The following FER1L5 variants were observed in gnomAD, a reference collection of about 807,000 sequenced individuals.
The protein encoded by FER1L5 is fer-1 like family member 5.
In FER1L5, 187 loss-of-function variants were observed where a neutral mutation model predicts 279.9. The observed-to-expected ratio is 0.67, with a 90% CI of 0.59 to 0.75. FER1L5 has a LOEUF of 0.75. Among genes scored for constraint, FER1L5 ranks in the 30% least tolerant of loss-of-function variants. FER1L5 has a pLI of 0.00. For synonymous variants in FER1L5, 921 were observed against 989.7 expected, an observed-to-expected ratio of 0.93 and a Z score of 1.30; for missense variants, 2,091 against 2,594.4, an observed-to-expected ratio of 0.81 and a Z score of 4.21.
In FER1L5 at chr2:96,695,824, C is replaced by T. The variant is rs200034058; in HGVS notation, c.3977C>T (p.Thr1326Met). 1.2e-4 allele frequency: 197 copies of T among 1,612,970 alleles called. No homozygotes were observed. Among genetic ancestry groups the T allele is most frequent in the Non-Finnish European group, 1.5e-4 (174 of 1,179,542 alleles). The change falls in exon 36 of 53, where the codon ACG (threonine) becomes ATG (methionine). Residue 1326 changes from threonine (T) to methionine (M), a missense_variant. Physicochemically the swap from Thr to Met is moderately conservative, Grantham distance 81. Transcript: ENST00000624922. ...TGGGCCTTCGGCCAGCAGACCGTGA[C>T]GGGCCAGGCCAACATCGACTTCCTC... ...DNWAFGQQTV[T>M]GQANIDFLQP...
chr2:96,699,808 C>A, intron 43 of FER1L5, 88 bp downstream of exon 43: 3 of 1,579,394 alleles, frequency 1.9e-6, no homozygotes, highest in Non-Finnish European at 2.6e-6. Context: ...GCATCCTGGG[C>A]GGGAACCAGG....
intron 14 of FER1L5, among the ~76,000 whole-genome samples, chr2:96,665,509 A>G (rs986455335): frequency 7.2e-5 from 11 of 151,912 alleles, no homozygotes; most frequent in African/African-American, 2.4e-4. Context: ...CCGGCCTGTG[A>G]TGAGGGCACA....
At position 96,698,028 on chromosome 2, in the gene FER1L5, C is replaced by T. The variant is rs554858175; in HGVS notation, c.4237-9C>T. ...TCTCCACCAGCCAGGGTTCCACACACCTCTGCAGGTGTATGAGTGTGAGCT... is the reference window on the plus strand; with the variant it reads ...TCTCCACCAGCCAGGGTTCCACACATCTCTGCAGGTGTATGAGTGTGAGCT... On this transcript the variant is annotated splice_polypyrimidine_tract_variant and intron_variant, in intron 39 of 52. Coordinates refer to ENST00000624922, the MANE Select transcript of FER1L5 (RefSeq NM_001293083.2). The surrounding 1 kb of genome is among the most constrained non-coding windows in gnomAD (Gnocchi z 5.5). The T allele has an allele frequency of 8.3e-6, 13 of 1,560,348 alleles. No individual in the cohort carries two copies. The African/African-American group carries it at 1.2e-4, about 15-fold the overall frequency.
chr2:96,646,543 G>C (rs1043731702), intron 2 of FER1L5, 90 bp downstream of exon 2: 28 of 1,331,396 alleles, frequency 2.1e-5, no homozygotes, highest in Non-Finnish European at 2.8e-5. Context: ...CAGAGGTCTA[G>C]GGAGAGGACG....
chr2:96,680,987 G>A (rs1457032539), intron 19 of FER1L5, among the ~76,000 whole-genome samples: 1 of 152,210 alleles, frequency 6.6e-6, no homozygotes, highest in African/African-American at 2.4e-5. Flanking sequence ...GCCTCCCAAA[G>A]CATTGGGATT....
At position 96,689,515 on chromosome 2, in the gene FER1L5, C is replaced by A. The variant is rs1475584215; in HGVS notation, c.2526-129C>A. On this transcript the variant is annotated intron_variant, in intron 25 of 52. Coordinates refer to ENST00000624922, the MANE Select transcript of FER1L5 (RefSeq NM_001293083.2). This position sits in a 1 kb window ranked among gnomAD's most constrained non-coding sequence, Gnocchi z 4.6. ...AGGTGCACCAGGCCAAGGGCCCTGC[C>A]CACCACCCTGTCCTGCCCAGAGCAG... The A allele has an allele frequency of 2.1e-6, 3 of 1,445,500 alleles. No homozygotes were observed. The highest frequency in any genetic ancestry group is 2.8e-6 in the Non-Finnish European group (3 of 1,057,684). 89.5% of individuals were successfully genotyped at this position (1,445,500 alleles called of 1,614,324 possible).
chr2:96,701,022 C>G (rs1558933213), intron 45 of FER1L5, among the ~76,000 whole-genome samples: 1 of 152,224 alleles, frequency 6.6e-6, no homozygotes, highest in Non-Finnish European at 1.5e-5. Context: ...TTTAAAAAAC[C>G]ATTCCCACAG....
intron 9 of FER1L5, among the ~76,000 whole-genome samples, chr2:96,659,412 T>TCCTTCCTTCCTTC (rs1558854181): frequency 1.6e-4 from 1 of 6,288 alleles, no homozygotes; most frequent in Non-Finnish European, 2.5e-4. Flanking sequence ...TTTCTTTCTT[T>TCCTTCCTTCCTTC]CTTTCTTTCT....
chr2:96,693,669 G>GCTGGAGCTA lies in FER1L5; in HGVS notation c.3456_3457insCTGGAGCTA (p.Leu1150_Leu1152dup), dbSNP rs1404361392. On this transcript the variant is annotated inframe_insertion, in exon 32 of 53. Transcript: ENST00000624922. The stretch of plus-strand genomic sequence containing the variant: ...GCCCACCGCTTGTGGTGCTGGAGCT[G>GCTGGAGCTA]TGGCAGCGTGACTTCTGGGTAAGTT... 6.4e-7 allele frequency: 1 copy of GCTGGAGCTA among 1,551,536 alleles called. No individual in the cohort carries two copies. Among genetic ancestry groups the GCTGGAGCTA allele is most frequent in the East Asian group, 2.4e-5 (1 of 40,916 alleles).
chr2:96,691,926 G>GC lies in FER1L5; in HGVS notation c.3183dup (p.Asn1062GlnfsTer11). The GC allele has an allele frequency of 1.3e-6, 2 of 1,531,538 alleles. No homozygotes were observed. Among genetic ancestry groups the GC allele is most frequent in the Non-Finnish European group, 8.8e-7 (1 of 1,140,526 alleles). The allele number at this position is 1,531,538 out of a possible 1,614,324, so 94.9% of individuals were successfully genotyped here. On this transcript the variant is annotated frameshift_variant, in exon 30 of 53. Transcript: ENST00000624922. LOFTEE classifies it high-confidence loss of function. The surrounding 1 kb of genome is among the most constrained non-coding windows in gnomAD (Gnocchi z 6.0). ...GGGACCCCCAGAGGCAGGACACCCG[G>GC]CCCCCCAACTTGCCCTTCATCTACT...
At chr2:96,660,077 ACAGTG>A (rs1218352163) in intron 9 of FER1L5, among the ~76,000 whole-genome samples, 2 of 152,150 alleles carry the variant, frequency 1.3e-5, no homozygotes, top group Non-Finnish European at 2.9e-5. Flanking sequence ...AGAGGGTGGC[ACAGTG>A]CAGTGTTGAG....
chr2:96,691,890 C>G lies in FER1L5; in HGVS notation c.3141C>G (p.Asp1047Glu), dbSNP rs1307126306. 1.3e-6 allele frequency: 2 copies of G among 1,551,310 alleles called. No individual in the cohort carries two copies. Among genetic ancestry groups the G allele is most frequent in the Admixed American group, 2.0e-5 (1 of 50,966 alleles). The change falls in exon 30 of 53, where the codon GAC becomes GAG. Residue 1047 changes from aspartate (D) to glutamate (E), a missense_variant. By Grantham distance (45) the Asp-to-Glu change is conservative. Transcript: ENST00000624922. This position sits in a 1 kb window ranked among gnomAD's most constrained non-coding sequence, Gnocchi z 6.0. ...EDSKTWPWGL[D>E]RQFRDPQRQD... ...GCAAGACATGGCCATGGGGTCTGGA[C>G]AGACAGTTCAGGGACCCCCAGAGGC...
chr2:96,692,440 GAC>G (rs1157791020), intron 31 of FER1L5, among the ~76,000 whole-genome samples: 1 of 152,246 alleles, frequency 6.6e-6, no homozygotes, highest in Non-Finnish European at 1.5e-5. Context: ...TTGGGGAAAA[GAC>G]ACAAAACAAA....
intron 41 of FER1L5, 28 bp from the exon 42 acceptor site, chr2:96,699,017 T>C (rs184468802): frequency 3.8e-6 from 6 of 1,590,612 alleles, no homozygotes; most frequent in South Asian, 1.1e-5. Context: ...CCAGTTCCTA[T>C]CCTTCCCCCA....
At chr2:96,652,131 C>A (rs114069771) in intron 7 of FER1L5, 111 bp downstream of exon 7, 19,221 of 1,426,208 alleles carry the variant, frequency 0.013, 175 homozygotes, top group Non-Finnish European at 0.016. Context: ...GTTTGTTCCA[C>A]AAGCATTTAC....
At chr2:96,665,775 G>A (rs892472520) in intron 14 of FER1L5, among the ~76,000 whole-genome samples, 3 of 151,932 alleles carry the variant, frequency 2.0e-5, no homozygotes, top group Non-Finnish European at 2.9e-5. Flanking sequence ...TAGTAGAGAC[G>A]AGGTTTCACC....
At position 96,699,073 on chromosome 2, in the gene FER1L5, G is replaced by A. The variant is rs757433266; in HGVS notation, c.4547G>A (p.Gly1516Asp). The stretch of plus-strand genomic sequence containing the variant: ...GACCCTTATGTGATCCTGAAACTGG[G>A]CAAGACAGAGCTTGGCAACCGGGAC... ...LCDPYVILKL[G>D]KTELGNRDMY... Residue 1516 changes from glycine to aspartate, a missense_variant, in exon 42 of 53, where the codon GGC becomes GAC. Transcript: ENST00000624922. The A allele has an allele frequency of 2.0e-5, 32 of 1,611,682 alleles. No individual in the cohort carries two copies. The highest frequency in any genetic ancestry group is 2.5e-5 in the Non-Finnish European group (29 of 1,179,022).
intron 19 of FER1L5, among the ~76,000 whole-genome samples, chr2:96,674,765 C>A (rs1029126675): frequency 1.3e-5 from 2 of 152,014 alleles, no homozygotes; most frequent in African/African-American, 4.8e-5. Context: ...GAGCCAAGAT[C>A]GCACCACTGC....
chr2:96,667,634 A>G (rs781062020), intron 14 of FER1L5, among the ~76,000 whole-genome samples: 200 of 152,284 alleles, frequency 1.3e-3, no homozygotes, highest in Non-Finnish European at 8.7e-4. Context: ...GGCATGTGCC[A>G]CCATGCCTGG....
Sources: gnomAD v4.1 joint callset for allele counts (sites outside exome capture counted in the v4.1 genomes callset) on GRCh38, gnomAD v4.1.1 for gene constraint, Gnocchi (gnomAD v3.1) non-coding constraint, MANE v1.5 for transcripts, NCBI Gene and HGNC (gene_info 2026-07-23, HGNC 2026-07-21) for gene names.